The following SENP7 variants were observed in gnomAD, a reference collection of about 807,000 sequenced individuals.
SENP7 encodes SUMO specific peptidase 7, also known as sentrin-specific protease 7.
A neutral mutation model predicts 141.2 loss-of-function variants in SENP7; 64 were observed. The ratio of observed to expected loss-of-function variants is 0.45; its 90% CI spans 0.37 to 0.56. The LOEUF is 0.56. Ranked by LOEUF, SENP7 falls within the 20% of genes least tolerant of loss-of-function variation. SENP7 has a pLI of 0.00. For synonymous variants in SENP7, 382 were observed against 426.4 expected, an observed-to-expected ratio of 0.90 and a Z score of 1.28; for missense variants, 1,025 against 1,212.2, an observed-to-expected ratio of 0.85 and a Z score of 2.29.
intron 1 of SENP7, among the ~76,000 whole-genome samples, chr3:101,512,719 G>A (rs978692137): frequency 6.6e-6 from 1 of 152,192 alleles, no homozygotes; most frequent in Non-Finnish European, 1.5e-5. Context: ...AGGAAAGTGG[G>A]GTCAGGCGCT....
chr3:101,340,386 A>C (rs909124067), intron 15 of SENP7, 175 bp from the exon 16 acceptor site: 1 of 719,342 alleles, frequency 1.4e-6, no homozygotes, highest in African/African-American at 1.9e-5. Context: ...CTCACAAGCT[A>C]CTAATGGTAC....
At chr3:101,328,940 T>C (rs1013162283) in intron 20 of SENP7, among the ~76,000 whole-genome samples, 4 of 152,192 alleles carry the variant, frequency 2.6e-5, no homozygotes, top group African/African-American at 9.7e-5. Context: ...TCTGGAACTT[T>C]AATTACTTCC....
intron 1 of SENP7, 107 bp downstream of exon 1, chr3:101,512,984 C>T (rs2065925079): frequency 7.8e-7 from 1 of 1,284,904 alleles, no homozygotes; most frequent in Admixed American, 1.7e-5. Flanking sequence ...TCCCCGCCCC[C>T]GCCCTCGCCC....
Position 101,332,155 on chromosome 3 carries a change from A to C in SENP7, c.2574-46T>G, listed in dbSNP as rs377600628. On this transcript the variant is annotated intron_variant, in intron 18 of 23. Transcript: ENST00000394095. ...TCTTAATACCATGCAAAGTCTAAAC[A>C]ACATATAATATATTCTAGAGATACA... The C allele has an allele frequency of 2.8e-5, 44 of 1,569,618 alleles. 1 individual carries two copies. The African/African-American group carries it at 5.7e-4, about 20-fold the overall frequency.
At chr3:101,492,085 G>A (rs1186656169) in intron 3 of SENP7, among the ~76,000 whole-genome samples, 13 of 149,344 alleles carry the variant, frequency 8.7e-5, no homozygotes, top group Admixed American at 2.7e-4. Flanking sequence ...AGAGCAAAAC[G>A]CCATCTCAAA....
chr3:101,413,601 A>C (rs959463224), intron 5 of SENP7, among the ~76,000 whole-genome samples: 2 of 152,274 alleles, frequency 1.3e-5, no homozygotes, highest in Admixed American at 6.5e-5. Context: ...TACAGGGAGG[A>C]AGAGAACTAA....
intron 12 of SENP7, among the ~76,000 whole-genome samples, chr3:101,351,388 T>C (rs1371432301): frequency 2.6e-5 from 4 of 151,960 alleles, no homozygotes; most frequent in African/African-American, 9.6e-5. Flanking sequence ...CTATCAGAAC[T>C]GTGTTTCTGT....
At chr3:101,510,117 T>C (rs557293699) in intron 1 of SENP7, among the ~76,000 whole-genome samples, 7 of 152,388 alleles carry the variant, frequency 4.6e-5, no homozygotes, top group Admixed American at 1.3e-4. Context: ...TCTATGATTC[T>C]AATTTATCTG....
intron 3 of SENP7, among the ~76,000 whole-genome samples, chr3:101,471,890 C>T (rs1046559841): frequency 9.2e-5 from 14 of 152,152 alleles, no homozygotes; most frequent in Non-Finnish European, 4.4e-5. Flanking sequence ...AGCCAACAGA[C>T]ACATGAAAAA....
At chr3:101,476,525 T>C (rs1306761450) in intron 3 of SENP7, among the ~76,000 whole-genome samples, 1 of 152,220 alleles carries the variant, frequency 6.6e-6, no homozygotes, top group Non-Finnish European at 1.5e-5. Flanking sequence ...TGGTTCCAAG[T>C]CTTTGCTATT....
intron 17 of SENP7, among the ~76,000 whole-genome samples, chr3:101,335,295 T>C (rs1424483313): frequency 3.3e-5 from 5 of 152,200 alleles, no homozygotes; most frequent in Non-Finnish European, 7.3e-5. Context: ...TCATAAAGCA[T>C]GATAAGGAAT....
intron 3 of SENP7, among the ~76,000 whole-genome samples, chr3:101,462,222 A>G (rs1189903263): frequency 6.6e-6 from 1 of 152,184 alleles, no homozygotes; most frequent in Non-Finnish European, 1.5e-5. Context: ...AAAGCATATG[A>G]CTAAATCTCC....
chr3:101,478,981 A>C (rs2064336618), intron 3 of SENP7, among the ~76,000 whole-genome samples: 1 of 152,162 alleles, frequency 6.6e-6, no homozygotes, highest in African/African-American at 2.4e-5. Flanking sequence ...ATGCAAAAAA[A>C]AATTTGATAA....
At chr3:101,442,640 C>CA (rs542746486) in intron 4 of SENP7, among the ~76,000 whole-genome samples, 169 of 149,500 alleles carry the variant, frequency 1.1e-3, no homozygotes, top group Non-Finnish European at 1.8e-3. Context: ...AAAAACAATA[C>CA]AAAAAAAAAT....
At chr3:101,462,689 G>C (rs2063586699) in intron 3 of SENP7, among the ~76,000 whole-genome samples, 1 of 151,774 alleles carries the variant, frequency 6.6e-6, no homozygotes, top group African/African-American at 2.4e-5. Flanking sequence ...GCAACACGAT[G>C]AAACCCTGTC....
Position 101,483,259 on chromosome 3 carries a change from G to A in SENP7, c.186+10614C>T, listed in dbSNP as rs1330616764. Among the ~76,000 whole-genome samples, 4 of 152,056 alleles carry A rather than the reference G, an allele frequency of 2.6e-5. 1 individual carries two copies. In the South Asian group the frequency reaches 8.3e-4, roughly 32 times the overall value. On this transcript the variant is annotated intron_variant, in intron 3 of 23. Transcript: ENST00000394095. ...ACATACACACCATGGAATGCTATGC[G>A]GCCATAAAAAAAGAACAAGATCATG...
intron 3 of SENP7, among the ~76,000 whole-genome samples, chr3:101,479,476 C>T (rs1321961003): frequency 6.6e-6 from 1 of 151,924 alleles, no homozygotes; most frequent in Non-Finnish European, 1.5e-5. Context: ...CATGATGGCA[C>T]GTGCCTGTAG....
chr3:101,394,703 T>TAAC (rs2060917006), intron 6 of SENP7, among the ~76,000 whole-genome samples: 2 of 152,048 alleles, frequency 1.3e-5, no homozygotes, highest in African/African-American at 4.8e-5. Flanking sequence ...TAATCTATTT[T>TAAC]AGTTTTCTGA....
intron 11 of SENP7, chr3:101,357,530 T>C (rs1285601590): frequency 2.8e-6 from 4 of 1,419,930 alleles, no homozygotes; most frequent in Non-Finnish European, 3.8e-6. Context: ...AAAAGATTCT[T>C]TCCAAAAAGT....
Sources: gnomAD v4.1 joint callset for allele counts (sites outside exome capture counted in the v4.1 genomes callset) on GRCh38, gnomAD v4.1.1 for gene constraint, MANE v1.5 for transcripts, NCBI Gene and HGNC (gene_info 2026-07-23, HGNC 2026-07-21) for gene names.